Variants in SAMD12 observed in about 807,000 individuals in gnomAD.
The protein encoded by SAMD12 is sterile alpha motif domain containing 12.
In SAMD12, 9 loss-of-function variants were observed where a neutral mutation model predicts 15.0. That is an observed-to-expected ratio of 0.60 (90% confidence interval 0.36 to 1.05). The LOEUF is 1.05. SAMD12 is among the 50% of genes least tolerant of loss of function. SAMD12 has a pLI of 0.01. For synonymous variants in SAMD12, 86 were observed against 90.1 expected (o/e 0.96, Z 0.25); for missense variants, 230 against 234.2 (o/e 0.98, Z 0.12).
intron 2 of SAMD12, among the ~76,000 whole-genome samples, chr8:118,452,713 G>A (rs949041692): frequency 5.9e-5 from 9 of 152,068 alleles, no homozygotes; most frequent in Admixed American, 3.9e-4. Flanking sequence ...TATGCACATG[G>A]TTTTAAAAAA....
At chr8:118,621,343 C>T (rs1828399970) in intron 1 of SAMD12, among the ~76,000 whole-genome samples, 1 of 152,164 alleles carries the variant, frequency 6.6e-6, no homozygotes, top group South Asian at 2.1e-4. Flanking sequence ...GACGAAGGGC[C>T]CTCGACCCAA....
At chr8:118,508,192 A>G (rs987042392) in intron 2 of SAMD12, among the ~76,000 whole-genome samples, 2 of 146,334 alleles carry the variant, frequency 1.4e-5, no homozygotes, top group Admixed American at 6.9e-5. Flanking sequence ...GAACGATGAG[A>G]ACACTTGGAC....
chr8:118,287,489 C>A lies in SAMD12; in HGVS notation c.434-89757G>T, dbSNP rs147702595. On this transcript the variant is annotated intron_variant, in intron 4 of 4. Transcript: ENST00000409003. ...AAGAAGTCCGAGCAAAGAGCTAGGG[C>A]GAGTAAAGGAAAATCTTTTATTGAT... 2.3e-3 allele frequency among the ~76,000 whole-genome samples: 356 copies of A among 152,142 alleles called. 2 individuals are homozygous for A. Among genetic ancestry groups the A allele is most frequent in the African/African-American group, 8.1e-3 (336 of 41,516 alleles).
intron 2 of SAMD12, among the ~76,000 whole-genome samples, chr8:118,452,830 T>A (rs1286208055): frequency 6.6e-6 from 1 of 152,198 alleles, no homozygotes; most frequent in Non-Finnish European, 1.5e-5. Flanking sequence ...TGGTCCTAAC[T>A]CAAACATCTC....
At chr8:118,171,956 G>A in the SAMD12 span, among the ~76,000 whole-genome samples, 1 of 152,154 alleles carries the variant, frequency 6.6e-6, no homozygotes, top group African/African-American at 2.4e-5. Flanking sequence ...TCTTTTGTAG[G>A]GTCATGGATA....
At chr8:118,181,049 T>TAA in the SAMD12 span, among the ~76,000 whole-genome samples, 13 of 152,140 alleles carry the variant, frequency 8.5e-5, no homozygotes, top group Admixed American at 6.5e-5. Context: ...AATTTTGTAT[T>TAA]AAATTTTTTT....
At chr8:118,516,740 G>A (rs1207670396) in intron 2 of SAMD12, among the ~76,000 whole-genome samples, 1 of 151,458 alleles carries the variant, frequency 6.6e-6, no homozygotes, top group Admixed American at 6.6e-5. Context: ...CTGGGTTTAA[G>A]CAATTCTCCT....
chr8:118,551,582 C>A (rs1328385140), intron 2 of SAMD12, among the ~76,000 whole-genome samples: 2 of 151,882 alleles, frequency 1.3e-5, no homozygotes, highest in Non-Finnish European at 2.9e-5. Flanking sequence ...CAAGAAAGAT[C>A]CAAAATTGAC....
Position 118,379,373 on chromosome 8 carries a change from T to C in SAMD12, c.*44A>G. 1 of 1,590,286 alleles carries C rather than the reference T, an allele frequency of 6.3e-7. No individual in the cohort carries two copies. The highest frequency in any genetic ancestry group is 8.5e-7 in the Non-Finnish European group (1 of 1,169,862). On this transcript the variant is annotated 3_prime_UTR_variant, in exon 4 of 4. Coordinates refer to ENST00000314727, the MANE Select transcript of SAMD12 (RefSeq NM_207506.3). ...CATCCATTACTTATTTGTGCATCCT[T>C]CTCCCTAGTGAGCTATGAAAAAAGT...
chr8:118,373,435 T>C (rs146023610), downstream of SAMD12, among the ~76,000 whole-genome samples: 43 of 152,274 alleles, frequency 2.8e-4, no homozygotes, highest in Admixed American at 6.5e-4. Flanking sequence ...TGAAGTATCA[T>C]TGCGGAGGTG....
At chr8:118,309,743 A>G (rs1364909730) in intron 4 of SAMD12, among the ~76,000 whole-genome samples, 1 of 152,204 alleles carries the variant, frequency 6.6e-6, no homozygotes, top group Non-Finnish European at 1.5e-5. Context: ...TCTCTTAAAA[A>G]TTCCATGAAG....
chr8:118,353,912 T>A (rs533732484), intron 4 of SAMD12, among the ~76,000 whole-genome samples: 1 of 152,290 alleles, frequency 6.6e-6, no homozygotes, highest in East Asian at 1.9e-4. Flanking sequence ...CGCTTGCGCC[T>A]GACAGTTTTG....
At chr8:118,436,155 T>A (rs1366582119) in intron 3 of SAMD12, among the ~76,000 whole-genome samples, 1 of 152,260 alleles carries the variant, frequency 6.6e-6, no homozygotes, top group South Asian at 2.1e-4. Context: ...TTTTCCTACA[T>A]GGATCACTGA....
chr8:118,215,756 T>C (rs1586351597), intron 4 of SAMD12, among the ~76,000 whole-genome samples: 1 of 152,234 alleles, frequency 6.6e-6, no homozygotes, highest in South Asian at 2.1e-4. Flanking sequence ...AGAATGATGA[T>C]TTCCAATTTC....
intron 2 of SAMD12, among the ~76,000 whole-genome samples, chr8:118,470,256 TTA>T (rs1491305646): frequency 9.5e-5 from 14 of 147,260 alleles, no homozygotes; most frequent in Admixed American, 2.6e-4. Context: ...TTTTTTTTTT[TTA>T]AAAAAAAAGG....
At chr8:118,426,695 T>G (rs186352180) in intron 3 of SAMD12, among the ~76,000 whole-genome samples, 109 of 152,326 alleles carry the variant, frequency 7.2e-4, no homozygotes, top group Admixed American at 1.9e-3. Context: ...AATGTGTCCT[T>G]GGAGCAGTAG....
At chr8:118,225,356 T>C (rs1217295906) in intron 4 of SAMD12, among the ~76,000 whole-genome samples, 1 of 152,116 alleles carries the variant, frequency 6.6e-6, no homozygotes, top group African/African-American at 2.4e-5. Flanking sequence ...TACAATGCTG[T>C]TGTCTGGAAA....
intron 3 of SAMD12, among the ~76,000 whole-genome samples, chr8:118,435,451 T>C (rs549056787): frequency 4.8e-4 from 73 of 152,322 alleles, no homozygotes; most frequent in Admixed American, 9.2e-4. Flanking sequence ...GGTCCTGCTA[T>C]GTTTCCCTTG....
At chr8:118,278,929 C>G (rs1813537645) in intron 4 of SAMD12, among the ~76,000 whole-genome samples, 1 of 152,252 alleles carries the variant, frequency 6.6e-6, no homozygotes, top group Middle Eastern at 3.4e-3. Context: ...GGCTCTAAAT[C>G]CTTCTTTGTG....
Sources: gnomAD v4.1 joint callset for allele counts (sites outside exome capture counted in the v4.1 genomes callset) on GRCh38, gnomAD v4.1.1 for gene constraint, MANE v1.5 for transcripts, NCBI Gene and HGNC (gene_info 2026-07-23, HGNC 2026-07-21) for gene names.